The following VGLL4 variants were observed in gnomAD, a reference collection of about 807,000 sequenced individuals.
The protein encoded by VGLL4 is vestigial like family member 4, also known as transcription cofactor vestigial-like protein 4.
VGLL4 carries 7 observed loss-of-function variants against 21.0 expected under a neutral mutation model. The observed-to-expected ratio is 0.33, with a 90% CI of 0.19 to 0.63. VGLL4 has a LOEUF of 0.63. VGLL4 is among the 20% of genes least tolerant of loss of function. VGLL4 has a pLI of 0.78. For synonymous variants in VGLL4, 222 were observed against 173.2 expected (o/e 1.28, Z -2.21); for missense variants, 394 against 425.7 (o/e 0.93, Z 0.66).
intron 1 of VGLL4, among the ~76,000 whole-genome samples, chr3:11,628,586 C>T (rs1199147321): frequency 2.0e-5 from 3 of 151,290 alleles, no homozygotes; most frequent in South Asian, 2.1e-4. Flanking sequence ...TTTGGGAGGC[C>T]AAGGCGGGCG....
chr3:11,681,322 C>T (rs2076367526), intron 2 of VGLL4, among the ~76,000 whole-genome samples: 1 of 152,228 alleles, frequency 6.6e-6, no homozygotes, highest in Admixed American at 6.5e-5. Context: ...TGGTCTCAAA[C>T]TCCTGACCTT....
chr3:11,654,809 T>G (rs1249074000), intron 2 of VGLL4, among the ~76,000 whole-genome samples: 1 of 152,328 alleles, frequency 6.6e-6, no homozygotes, highest in East Asian at 1.9e-4. Context: ...GAAGACAGAA[T>G]CTTTATAAAA....
intron 2 of VGLL4, among the ~76,000 whole-genome samples, chr3:11,579,748 C>T (rs973380817): frequency 1.3e-5 from 2 of 152,092 alleles, no homozygotes; most frequent in East Asian, 1.9e-4. Flanking sequence ...TTCCTTTGTA[C>T]GAGGGCTTCC....
At chr3:11,692,689 G>T (rs1159779198) in intron 2 of VGLL4, among the ~76,000 whole-genome samples, 1 of 146,858 alleles carries the variant, frequency 6.8e-6, no homozygotes, top group Non-Finnish European at 1.5e-5. Flanking sequence ...AATTCAGTGC[G>T]CCAGCACCAA....
At position 11,558,914 on chromosome 3, in the gene VGLL4, A is replaced by C. The variant is rs2125096909; in HGVS notation, c.620-87T>G. On this transcript the variant is annotated intron_variant, in intron 4 of 4. Coordinates refer to ENST00000430365, the MANE Select transcript of VGLL4 (RefSeq NM_001128219.3). Reference sequence around the variant, plus strand: ...TGCAGCACCCTCCCTCAGGCAGCCCAGAGCCGGACTGGCTGCCACGGTCAG... The same window carrying C: ...TGCAGCACCCTCCCTCAGGCAGCCCCGAGCCGGACTGGCTGCCACGGTCAG... The C allele has an allele frequency of 2.7e-6, 4 of 1,483,916 alleles. No homozygotes were observed. The East Asian group carries it at 9.5e-5, about 35-fold the overall frequency. 91.9% of individuals were successfully genotyped at this position (1,483,916 alleles called of 1,614,324 possible).
intron 1 of VGLL4, among the ~76,000 whole-genome samples, chr3:11,624,358 G>T (rs1403559609): frequency 6.6e-6 from 1 of 152,142 alleles, no homozygotes; most frequent in East Asian, 1.9e-4. Context: ...GAGAACTGAT[G>T]ATGTATCTCA....
intron 1 of VGLL4, among the ~76,000 whole-genome samples, chr3:11,716,048 A>C (rs1182215141): frequency 6.6e-6 from 1 of 152,104 alleles, no homozygotes; most frequent in Non-Finnish European, 1.5e-5. Flanking sequence ...TCACACCTGT[A>C]ATCCCAGCAC....
chr3:11,711,931 G>A (rs2076852339), intron 1 of VGLL4, among the ~76,000 whole-genome samples: 1 of 152,104 alleles, frequency 6.6e-6, no homozygotes, highest in Non-Finnish European at 1.5e-5. Flanking sequence ...TTCTGGTGGC[G>A]ACATGCAAGC....
At chr3:11,564,162 A>G (rs933345088) in intron 3 of VGLL4, among the ~76,000 whole-genome samples, 1 of 152,184 alleles carries the variant, frequency 6.6e-6, no homozygotes, top group Non-Finnish European at 1.5e-5. Flanking sequence ...CTTCTCCCAT[A>G]TATTTCCCCA....
intron 2 of VGLL4, among the ~76,000 whole-genome samples, chr3:11,573,481 G>T (rs986018509): frequency 6.6e-6 from 1 of 152,170 alleles, no homozygotes; most frequent in African/African-American, 2.4e-5. Flanking sequence ...GTCAGTATTT[G>T]CAGGTCATCC....
chr3:11,564,968 G>A lies in VGLL4; in HGVS notation c.324C>T (p.Arg108=). 6.5e-7 allele frequency: 1 copy of A among 1,545,064 alleles called. No homozygotes were observed. Among genetic ancestry groups the A allele is most frequent in the Non-Finnish European group, 8.7e-7 (1 of 1,146,278 alleles). ...GGGCCACAGCGCGCTCGATGGGGCT[G>A]CGGCTCCGCTCCCGGGGGTCTCTGC... ...DCRRDPRERS[R]SPIERAVAPT... The change falls in exon 3 of 5, where the codon CGC becomes CGT. Residue 108 remains arginine (R), a synonymous_variant. Coordinates refer to ENST00000430365, the MANE Select transcript of VGLL4 (RefSeq NM_001128219.3).
At chr3:11,570,383 T>G (rs2073728003) in intron 2 of VGLL4, among the ~76,000 whole-genome samples, 1 of 152,210 alleles carries the variant, frequency 6.6e-6, no homozygotes, top group East Asian at 1.9e-4. Context: ...CACCAAGGTC[T>G]GTCCCCGGAC....
At chr3:11,663,982 T>G (rs2076072727) in intron 2 of VGLL4, among the ~76,000 whole-genome samples, 1 of 152,326 alleles carries the variant, frequency 6.6e-6, no homozygotes, top group East Asian at 1.9e-4. Flanking sequence ...CTGGGCGCAG[T>G]GGCTCACAGC....
At chr3:11,644,232 C>T (rs1316908236), upstream of VGLL4, among the ~76,000 whole-genome samples, 1 of 152,142 alleles carries the variant, frequency 6.6e-6, no homozygotes, top group Non-Finnish European at 1.5e-5. Flanking sequence ...ATGCAACTTT[C>T]GTGAAACTTC....
At chr3:11,577,594 C>T in intron 2 of VGLL4, among the ~76,000 whole-genome samples, 1 of 152,048 alleles carries the variant, frequency 6.6e-6, no homozygotes, top group South Asian at 2.1e-4. Flanking sequence ...CCCCACCCCC[C>T]AAAAAAACTG....
intron 1 of VGLL4, among the ~76,000 whole-genome samples, chr3:11,629,981 T>C (rs1458637568): frequency 6.6e-6 from 1 of 151,808 alleles, no homozygotes; most frequent in African/African-American, 2.4e-5. Context: ...AAGGAAAGTG[T>C]TCTCAAAAAA....
rs1189869344 is a variant in VGLL4 at position 11,596,201 on chromosome 3, C to CA, written c.272+5631dup. On this transcript the variant is annotated intron_variant, in intron 2 of 4. Transcript: ENST00000430365. ...GGAGCATGTTCATATCTTACATACT[C>CA]AAAAAATAAAATTTGAAAGGATGGA... 5.3e-5 allele frequency among the ~76,000 whole-genome samples: 8 copies of CA among 151,712 alleles called. No homozygotes were observed. In the East Asian group the frequency reaches 1.4e-3, roughly 26 times the overall value.
chr3:11,659,613 C>T (rs907795644), intron 2 of VGLL4, among the ~76,000 whole-genome samples: 16 of 151,056 alleles, frequency 1.1e-4, no homozygotes, highest in African/African-American at 2.4e-4. Context: ...GAACTACAGG[C>T]GTGAGCCACC....
At chr3:11,689,353 C>T (rs190065709) in intron 2 of VGLL4, among the ~76,000 whole-genome samples, 9 of 152,252 alleles carry the variant, frequency 5.9e-5, no homozygotes, top group South Asian at 2.1e-4. Flanking sequence ...ACTTTTTGAT[C>T]GTTCTGCAAT....
Sources: gnomAD v4.1 joint callset for allele counts (sites outside exome capture counted in the v4.1 genomes callset) on GRCh38, gnomAD v4.1.1 for gene constraint, MANE v1.5 for transcripts, NCBI Gene and HGNC (gene_info 2026-07-23, HGNC 2026-07-21) for gene names.